Variants in LRRC4C observed in about 807,000 individuals in gnomAD.
LRRC4C encodes leucine rich repeat containing 4C.
In LRRC4C, 5 loss-of-function variants were observed where a neutral mutation model predicts 33.6. That is an observed-to-expected ratio of 0.15 (90% CI 0.08 to 0.31). The LOEUF is 0.31. LRRC4C is among the 10% of genes least tolerant of loss of function. The pLI is 1.00. For missense variants in LRRC4C, 560 were observed against 796.7 expected (o/e 0.70, Z 3.58); for synonymous variants, 329 against 302.0 (o/e 1.09, Z -0.93).
chr11:40,493,038 ATATTTC>A (rs1954244108), intron 3 of LRRC4C, among the ~76,000 whole-genome samples: 1 of 151,600 alleles, frequency 6.6e-6, no homozygotes, highest in African/African-American at 2.4e-5. Flanking sequence ...CTATAAATAT[ATATTTC>A]TATAACTATA....
At chr11:41,126,069 A>G (rs1053718315) in intron 1 of LRRC4C, among the ~76,000 whole-genome samples, 1 of 152,122 alleles carries the variant, frequency 6.6e-6, no homozygotes, top group Admixed American at 6.6e-5. Flanking sequence ...TAATTTTAAA[A>G]ATGTCTAATG....
intron 1 of LRRC4C, among the ~76,000 whole-genome samples, chr11:41,346,329 C>T (rs774408415): frequency 1.3e-5 from 2 of 152,194 alleles, no homozygotes; most frequent in Non-Finnish European, 2.9e-5. Flanking sequence ...CCTGTGAAGA[C>T]AGCAGACACA....
At chr11:41,188,129 C>T (rs1386559769) in intron 1 of LRRC4C, among the ~76,000 whole-genome samples, 1 of 152,022 alleles carries the variant, frequency 6.6e-6, no homozygotes, top group African/African-American at 2.4e-5. Context: ...AAGATACCCT[C>T]CCCTTCCTCT....
At chr11:40,704,435 T>C (rs1271492325) in intron 2 of LRRC4C, among the ~76,000 whole-genome samples, 2 of 152,176 alleles carry the variant, frequency 1.3e-5, no homozygotes, top group Non-Finnish European at 2.9e-5. Context: ...GACTTCTTGG[T>C]TCCTTTAGTC....
At chr11:41,083,336 G>A (rs763476500) in intron 1 of LRRC4C, among the ~76,000 whole-genome samples, 28 of 152,018 alleles carry the variant, frequency 1.8e-4, no homozygotes, top group Admixed American at 1.0e-3. Flanking sequence ...GGTAACAGGG[G>A]AATTATTTCT....
At chr11:40,313,209 C>A (rs1201806599) in intron 4 of LRRC4C, among the ~76,000 whole-genome samples, 2 of 152,072 alleles carry the variant, frequency 1.3e-5, no homozygotes, top group South Asian at 2.1e-4. Flanking sequence ...TCCTCCCAGG[C>A]CTTTCACCAT....
intron 3 of LRRC4C, among the ~76,000 whole-genome samples, chr11:40,563,717 A>G (rs576760329): frequency 1.3e-5 from 2 of 152,162 alleles, no homozygotes; most frequent in Non-Finnish European, 2.9e-5. Flanking sequence ...AAAACCTTGA[A>G]ATCTGAAACA....
At chr11:41,342,728 T>C (rs1187657692) in intron 1 of LRRC4C, among the ~76,000 whole-genome samples, 1 of 151,890 alleles carries the variant, frequency 6.6e-6, no homozygotes, top group Admixed American at 6.6e-5. Flanking sequence ...AACAAACAAA[T>C]ATACAAACAA....
chr11:40,824,619 G>C (rs1952079094), intron 2 of LRRC4C, among the ~76,000 whole-genome samples: 1 of 151,870 alleles, frequency 6.6e-6, no homozygotes, highest in Non-Finnish European at 1.5e-5. Context: ...GAACGTTACA[G>C]ACATTATTCA....
intron 1 of LRRC4C, among the ~76,000 whole-genome samples, chr11:40,982,515 G>A (rs1852616019): frequency 6.6e-6 from 1 of 152,112 alleles, no homozygotes; most frequent in African/African-American, 2.4e-5. Context: ...ATGCCAATCA[G>A]CCTGTAATAC....
chr11:40,623,182 A>T (rs974163857), intron 3 of LRRC4C, among the ~76,000 whole-genome samples: 16 of 151,814 alleles, frequency 1.1e-4, no homozygotes, highest in Non-Finnish European at 2.2e-4. Flanking sequence ...TGAGTTGGAA[A>T]AGATGATCAC....
In LRRC4C at chr11:40,619,672, T is replaced by C. The variant is rs186961286; in HGVS notation, c.-270+28470A>G. On this transcript the variant is annotated intron_variant, in intron 3 of 6. Coordinates refer to ENST00000528697, the MANE Select transcript of LRRC4C (RefSeq NM_001258419.2). Reference sequence around the variant, plus strand: ...CCTTCCCCTACTGCAGCCTCCTTAGTGTTTACGACCTATTGTCCAAGTTAG... The same window carrying C: ...CCTTCCCCTACTGCAGCCTCCTTAGCGTTTACGACCTATTGTCCAAGTTAG... Among the ~76,000 whole-genome samples, 383 of 151,878 alleles carry C rather than the reference T, an allele frequency of 2.5e-3. 14 individuals are homozygous for C. Among genetic ancestry groups the C allele is most frequent in the Admixed American group, 0.025 (378 of 15,202 alleles).
intron 3 of LRRC4C, among the ~76,000 whole-genome samples, chr11:40,535,795 T>G (rs928226650): frequency 4.6e-5 from 7 of 152,176 alleles, no homozygotes; most frequent in African/African-American, 1.7e-4. Flanking sequence ...GTGAAATATG[T>G]CTTACCAAAT....
At chr11:41,050,838 C>A (rs567589573) in intron 1 of LRRC4C, among the ~76,000 whole-genome samples, 1 of 152,194 alleles carries the variant, frequency 6.6e-6, no homozygotes, top group South Asian at 2.1e-4. Context: ...TGAGGAATTG[C>A]CACACTGTCT....
chr11:40,801,393 C>G (rs1951035590), intron 2 of LRRC4C, among the ~76,000 whole-genome samples: 1 of 152,138 alleles, frequency 6.6e-6, no homozygotes, highest in African/African-American at 2.4e-5. Flanking sequence ...TTTAGGAGGA[C>G]CTACATCATT....
intron 2 of LRRC4C, among the ~76,000 whole-genome samples, chr11:40,690,991 C>T (rs1464461522): frequency 2.6e-5 from 4 of 151,990 alleles, no homozygotes; most frequent in Admixed American, 2.0e-4. Context: ...ATAACACAAT[C>T]GGAAGTGGTA....
chr11:40,313,881 G>C (rs990596155), intron 4 of LRRC4C, among the ~76,000 whole-genome samples: 6 of 151,918 alleles, frequency 3.9e-5, no homozygotes, highest in Non-Finnish European at 8.8e-5. Context: ...CCAAAGTGCT[G>C]GGATTACAGG....
intron 1 of LRRC4C, among the ~76,000 whole-genome samples, chr11:41,178,435 C>A (rs1188071753): frequency 6.6e-6 from 1 of 152,130 alleles, no homozygotes; most frequent in African/African-American, 2.4e-5. Context: ...CTCAATGCAG[C>A]CTTGAACTCC....
chr11:40,704,370 C>T (rs923677854), intron 2 of LRRC4C, among the ~76,000 whole-genome samples: 14 of 152,190 alleles, frequency 9.2e-5, no homozygotes, highest in African/African-American at 3.4e-4. Flanking sequence ...CAAAAATTTA[C>T]AAAGAAATGG....
Sources: allele counts gnomAD v4.1 joint callset (sites outside exome capture counted in the v4.1 genomes callset), GRCh38; gene constraint gnomAD v4.1.1; transcripts MANE v1.5; gene names NCBI Gene and HGNC (gene_info 2026-07-23, HGNC 2026-07-21).